The following ZNF804B variants were observed in gnomAD, a reference collection of about 807,000 sequenced individuals.
The protein encoded by ZNF804B is zinc finger 804B.
Under a neutral mutation model 101.4 loss-of-function variants are expected in ZNF804B, and 80 were observed. That is an observed-to-expected ratio of 0.79 (90% CI 0.66 to 0.95). The LOEUF (loss-of-function observed/expected upper bound fraction) is 0.95, where lower values mean the gene tolerates loss of function less well. Ranked by LOEUF, ZNF804B falls within the 40% of genes least tolerant of loss-of-function variation. The probability of loss-of-function intolerance (pLI) is 0.00; values close to 1 mark genes in which losing one functional copy is unlikely to be tolerated. For missense variants in ZNF804B, 1,673 were observed against 1,561.9 expected, an observed-to-expected ratio of 1.07 and a Z score of -1.20; for synonymous variants, 622 against 558.8, an observed-to-expected ratio of 1.11 and a Z score of -1.59.
At chr7:89,080,566 T>C (rs1183003204) in intron 1 of ZNF804B, among the ~76,000 whole-genome samples, 1 of 151,962 alleles carries the variant, frequency 6.6e-6, no homozygotes, top group African/African-American at 2.4e-5. Flanking sequence ...GGTTATGATC[T>C]GTAGAGATCC....
In ZNF804B at chr7:89,334,089, A is replaced by G. The variant is rs200815216; in HGVS notation, c.1107A>G (p.Pro369=). Residue 369 remains proline (P), a synonymous_variant, in exon 4 of 4, where the codon CCA becomes CCG. Coordinates refer to ENST00000333190, the MANE Select transcript of ZNF804B (RefSeq NM_181646.5). ...GCCAAGCAAATGCTTCCTTCAGCCC[A>G]CCAAACATTTACAACCATAGTGATG... ...HPCQANASFS[P]PNIYNHSDAR... 2 of 1,613,716 alleles carry G rather than the reference A, an allele frequency of 1.2e-6. No homozygotes were observed. The highest frequency in any genetic ancestry group is 1.3e-5 in the African/African-American group (1 of 75,016).
intron 1 of ZNF804B, among the ~76,000 whole-genome samples, chr7:88,894,733 C>T (rs888624289): frequency 1.3e-5 from 2 of 151,938 alleles, no homozygotes; most frequent in Admixed American, 1.3e-4. Context: ...AATGCTATTG[C>T]TACAGGAAGG....
chr7:89,126,659 G>C (rs182293184), intron 1 of ZNF804B, among the ~76,000 whole-genome samples: 1 of 152,024 alleles, frequency 6.6e-6, no homozygotes, highest in Admixed American at 6.6e-5. Flanking sequence ...GTGTGTGTGT[G>C]TGTGGTGGCC....
At chr7:88,974,771 T>C (rs1271218542) in intron 1 of ZNF804B, among the ~76,000 whole-genome samples, 1 of 151,382 alleles carries the variant, frequency 6.6e-6, no homozygotes. Context: ...TCACCTCAAA[T>C]ATTTACCATT....
chr7:88,911,476 T>C (rs1443939103), intron 1 of ZNF804B, among the ~76,000 whole-genome samples: 7 of 148,676 alleles, frequency 4.7e-5, no homozygotes, highest in Non-Finnish European at 8.9e-5. Context: ...ATTATTCTTA[T>C]GTATTTATAT....
intron 1 of ZNF804B, among the ~76,000 whole-genome samples, chr7:88,769,776 A>AAT (rs577538813): frequency 1.3e-5 from 2 of 152,182 alleles, no homozygotes; most frequent in Non-Finnish European, 2.9e-5. Flanking sequence ...GTTGTATCAT[A>AAT]ATTGTTAAGA....
chr7:89,137,547 G>C (rs901233253), intron 1 of ZNF804B, among the ~76,000 whole-genome samples: 6 of 152,072 alleles, frequency 3.9e-5, no homozygotes, highest in African/African-American at 1.4e-4. Context: ...AATTTGGAGA[G>C]ATGATTTAGG....
chr7:89,263,726 G>C (rs1232995056), intron 2 of ZNF804B, among the ~76,000 whole-genome samples: 1 of 152,070 alleles, frequency 6.6e-6, no homozygotes, highest in African/African-American at 2.4e-5. Context: ...AGAAGGAACA[G>C]AAGATCATGT....
At chr7:89,064,667 T>C (rs1046134204) in intron 1 of ZNF804B, among the ~76,000 whole-genome samples, 20 of 152,160 alleles carry the variant, frequency 1.3e-4, no homozygotes, top group African/African-American at 4.8e-4. Flanking sequence ...GGGCATGTCA[T>C]GTGCACAGTA....
At chr7:88,961,009 G>A (rs184729517) in intron 1 of ZNF804B, among the ~76,000 whole-genome samples, 155 of 151,448 alleles carry the variant, frequency 1.0e-3, no homozygotes, top group Non-Finnish European at 5.6e-4. Flanking sequence ...CCTCTGCAAG[G>A]TAGGAACTTC....
At chr7:89,105,059 C>T (rs1388159955) in intron 1 of ZNF804B, among the ~76,000 whole-genome samples, 2 of 152,038 alleles carry the variant, frequency 1.3e-5, no homozygotes, top group Admixed American at 6.6e-5. Flanking sequence ...TAAACTATAC[C>T]TTCTGATTTC....
chr7:88,834,681 T>C (rs1311744419), intron 1 of ZNF804B, among the ~76,000 whole-genome samples: 1 of 151,482 alleles, frequency 6.6e-6, no homozygotes, highest in Non-Finnish European at 1.5e-5. Flanking sequence ...ATATATATTA[T>C]ATCCCAATAA....
chr7:89,096,237 A>G (rs1789970826), intron 1 of ZNF804B, among the ~76,000 whole-genome samples: 1 of 152,152 alleles, frequency 6.6e-6, no homozygotes, highest in African/African-American at 2.4e-5. Flanking sequence ...AGTTAATGTT[A>G]AAACTGAACA....
chr7:88,937,702 T>C (rs1467885627), intron 1 of ZNF804B, among the ~76,000 whole-genome samples: 3 of 151,946 alleles, frequency 2.0e-5, no homozygotes, highest in African/African-American at 7.2e-5. Flanking sequence ...CAAAAGTCAA[T>C]GACATAGTGG....
intron 1 of ZNF804B, among the ~76,000 whole-genome samples, chr7:89,150,615 G>A (rs1183504718): frequency 5.3e-5 from 8 of 152,002 alleles, no homozygotes; most frequent in Non-Finnish European, 1.2e-4. Context: ...TTATAGAGAG[G>A]ATATATGTCC....
chr7:89,251,312 A>T (rs568968081), intron 2 of ZNF804B, among the ~76,000 whole-genome samples: 1 of 152,186 alleles, frequency 6.6e-6, no homozygotes, highest in Non-Finnish European at 1.5e-5. Context: ...TCAAGGTGAG[A>T]CCCAAATCAA....
At chr7:89,137,082 G>C (rs1267418656) in intron 1 of ZNF804B, among the ~76,000 whole-genome samples, 1 of 151,854 alleles carries the variant, frequency 6.6e-6, no homozygotes, top group Non-Finnish European at 1.5e-5. Flanking sequence ...TCTTTCTCAG[G>C]TATGTCTTTA....
chr7:89,325,679 G>A (rs1790886030), intron 2 of ZNF804B, among the ~76,000 whole-genome samples: 1 of 151,918 alleles, frequency 6.6e-6, no homozygotes, highest in African/African-American at 2.4e-5. Context: ...GTCAATTGTT[G>A]TGAGTAAATG....
chr7:89,253,925 G>A (rs1464663160), intron 2 of ZNF804B, among the ~76,000 whole-genome samples: 2 of 151,970 alleles, frequency 1.3e-5, no homozygotes, highest in African/African-American at 4.8e-5. Flanking sequence ...AGATGGAGGG[G>A]AAAAATTAAT....
Sources: allele counts gnomAD v4.1 joint callset (sites outside exome capture counted in the v4.1 genomes callset), GRCh38; gene constraint gnomAD v4.1.1; transcripts MANE v1.5; gene names NCBI Gene and HGNC (gene_info 2026-07-23, HGNC 2026-07-21).